MYRFL: variants seen among roughly 807,000 people sequenced by gnomAD.
MYRFL encodes the protein myelin regulatory factor-like protein.
MYRFL carries 88 observed loss-of-function variants against 109.4 expected under a neutral mutation model. That is an observed-to-expected ratio of 0.80 (90% CI 0.68 to 0.96). The LOEUF is 0.96. Among genes scored for constraint, MYRFL ranks in the 40% least tolerant of loss-of-function variants. The probability of loss-of-function intolerance (pLI) is 0.00; values close to 1 mark genes in which losing one functional copy is unlikely to be tolerated. For missense variants in MYRFL, 957 were observed against 954.9 expected (o/e 1.00, Z -0.03); for synonymous variants, 324 against 320.9 (o/e 1.01, Z -0.10).
chr12:69,893,877 T>C, intron 8 of MYRFL, 37 bp downstream of exon 8: 1 of 1,050,442 alleles, frequency 9.5e-7, no homozygotes, highest in South Asian at 2.9e-5. Flanking sequence ...TGTGAATGTT[T>C]TGTGAATAAA....
At chr12:69,843,606 G>A (rs1275112620) in intron 1 of MYRFL, among the ~76,000 whole-genome samples, 6 of 152,210 alleles carry the variant, frequency 3.9e-5, no homozygotes. Flanking sequence ...AGCCCCATAG[G>A]CATATGTAGA....
At chr12:69,863,673 A>G (rs1884836541) in intron 2 of MYRFL, among the ~76,000 whole-genome samples, 1 of 152,328 alleles carries the variant, frequency 6.6e-6, no homozygotes, top group East Asian at 1.9e-4. Context: ...ACACTCATGT[A>G]TATGTTGAGG....
chr12:69,932,948 C>T (rs1163433267), intron 16 of MYRFL, among the ~76,000 whole-genome samples: 1 of 151,622 alleles, frequency 6.6e-6, no homozygotes, highest in Non-Finnish European at 1.5e-5. Flanking sequence ...TTTTCTCAAA[C>T]TCTGTTTTCT....
intron 5 of MYRFL, among the ~76,000 whole-genome samples, chr12:69,884,061 T>C (rs1005099857): frequency 6.6e-6 from 1 of 152,192 alleles, no homozygotes; most frequent in African/African-American, 2.4e-5. Context: ...GCTCAAAGCA[T>C]CCTATACCAC....
At chr12:69,856,726 T>G (rs1035390280) in intron 2 of MYRFL, among the ~76,000 whole-genome samples, 4 of 152,008 alleles carry the variant, frequency 2.6e-5, no homozygotes, top group Admixed American at 2.0e-4. Flanking sequence ...TCAAATCTTT[T>G]GCCCATTTTT....
chr12:69,933,182 T>G (rs1047280956), intron 16 of MYRFL, among the ~76,000 whole-genome samples: 6 of 152,160 alleles, frequency 3.9e-5, no homozygotes, highest in African/African-American at 1.4e-4. Flanking sequence ...ATTGGGCAAC[T>G]TTTGACACCA....
chr12:69,835,307 C>G (rs10879025), intron 1 of MYRFL, among the ~76,000 whole-genome samples: 43 of 152,250 alleles, frequency 2.8e-4, no homozygotes, highest in African/African-American at 8.7e-4. Flanking sequence ...AATTCTCTAC[C>G]TCCTTAAAAG....
chr12:69,957,740 A>T, intron 22 of MYRFL, 82 bp from the exon 23 acceptor site: 1 of 1,431,778 alleles, frequency 7.0e-7, no homozygotes, highest in Non-Finnish European at 9.2e-7. Flanking sequence ...TTCCCATTAG[A>T]TCCTCCTCTT....
chr12:69,827,179 T>C (rs1374046286), intron 1 of MYRFL, among the ~76,000 whole-genome samples: 1 of 152,022 alleles, frequency 6.6e-6, no homozygotes, highest in Non-Finnish European at 1.5e-5. Context: ...AGAAAAAAAT[T>C]TGACAATTTG....
rs973863503 is a variant in MYRFL, at chr12:69,936,553, C to G, written c.2145C>G (p.Ile715Met). ...LPCQETYCCP[I>M]RGMKEVSSSP... ...GTCAGGAGACTTATTGCTGCCCCAT[C>G]CGGGGAATGAAAGAAGTCTCTTCAA... Residue 715 changes from isoleucine to methionine, a missense_variant, in exon 19 of 25, where the codon ATC becomes ATG. Coordinates refer to ENST00000552032, the MANE Select transcript of MYRFL (RefSeq NM_182530.3). 8.5e-6 allele frequency: 13 copies of G among 1,536,112 alleles called. No individual in the cohort carries two copies. The highest frequency in any genetic ancestry group is 1.1e-5 in the Non-Finnish European group (13 of 1,146,886).
At chr12:69,861,621 T>G (rs909094471) in intron 2 of MYRFL, among the ~76,000 whole-genome samples, 2 of 152,208 alleles carry the variant, frequency 1.3e-5, no homozygotes, top group African/African-American at 4.8e-5. Flanking sequence ...TAAATTTGTT[T>G]GAGTTCATTG....
At chr12:69,837,343 A>C (rs1034704812) in intron 1 of MYRFL, among the ~76,000 whole-genome samples, 5 of 151,722 alleles carry the variant, frequency 3.3e-5, no homozygotes, top group Non-Finnish European at 7.4e-5. Context: ...TGGCTACCCA[A>C]CTCCCTCTTC....
chr12:69,877,001 G>GTATT (rs1555245908), intron 2 of MYRFL, among the ~76,000 whole-genome samples: 2 of 78,574 alleles, frequency 2.5e-5, no homozygotes, highest in South Asian at 4.4e-4. Context: ...AAGGGTCCAG[G>GTATT]TCTTTCTTTC....
chr12:69,907,923 T>C (rs1431379735), intron 11 of MYRFL, among the ~76,000 whole-genome samples: 2 of 152,142 alleles, frequency 1.3e-5, no homozygotes, highest in African/African-American at 2.4e-5. Flanking sequence ...CTATATGAGA[T>C]TGTGACTGTT....
chr12:69,891,040 T>C lies in MYRFL; in HGVS notation c.777T>C (p.Val259=), dbSNP rs1413149999. The change falls in exon 7 of 25, where the codon GTT becomes GTC. Residue 259 remains valine, a synonymous_variant. Transcript: ENST00000552032. ...TTTCACCAGCAGATGAAGCTTTTGT[T>C]TGCCAAAAGAAGAATCATTTCCAGA... is the stretch of plus-strand genomic sequence containing the variant. ...FNFSPADEAF[V]CQKKNHFQIT... is the part of the protein sequence containing the mutation. 6.5e-7 allele frequency: 1 copy of C among 1,535,054 alleles called. No individual in the cohort carries two copies. The highest frequency in any genetic ancestry group is 1.4e-5 in the African/African-American group (1 of 73,022).
At chr12:69,887,045 G>A in intron 6 of MYRFL, 75 bp downstream of exon 6, 1 of 1,445,276 alleles carries the variant, frequency 6.9e-7, no homozygotes, top group Non-Finnish European at 9.3e-7. Flanking sequence ...TCAAGCACTG[G>A]AGCTTTGATG....
At chr12:69,907,182 A>G (rs1473322558) in intron 11 of MYRFL, among the ~76,000 whole-genome samples, 1 of 152,190 alleles carries the variant, frequency 6.6e-6, no homozygotes, top group Non-Finnish European at 1.5e-5. Flanking sequence ...GGAAGACTAT[A>G]AGTCCAGAAA....
chr12:69,957,432 TTTTA>T (rs1346349873), intron 22 of MYRFL, among the ~76,000 whole-genome samples: 3 of 151,922 alleles, frequency 2.0e-5, no homozygotes, highest in African/African-American at 7.3e-5. Context: ...TAAGATTAGG[TTTTA>T]AAAACTATCA....
chr12:69,851,277 T>G (rs1244035605), intron 1 of MYRFL, among the ~76,000 whole-genome samples: 1 of 152,230 alleles, frequency 6.6e-6, no homozygotes, highest in Non-Finnish European at 1.5e-5. Context: ...ATCTATACTT[T>G]AAATCTCAGC....
Sources: gnomAD v4.1 joint callset for allele counts (sites outside exome capture counted in the v4.1 genomes callset) on GRCh38, gnomAD v4.1.1 for gene constraint, MANE v1.5 for transcripts, NCBI Gene and HGNC (gene_info 2026-07-23, HGNC 2026-07-21) for gene names.